The following WDR7 variants were observed in gnomAD, a reference collection of about 807,000 sequenced individuals.
WDR7 encodes the protein WD repeat-containing protein 7.
Under a neutral mutation model 169.4 loss-of-function variants are expected in WDR7, and 46 were observed. That is an observed-to-expected ratio of 0.27 (90% CI 0.21 to 0.35). The LOEUF is 0.35. Ranked by LOEUF, WDR7 falls within the 10% of genes least tolerant of loss-of-function variation. The pLI is 1.00. For missense variants in WDR7, 1,534 were observed against 1,859.3 expected, an observed-to-expected ratio of 0.83 and a Z score of 3.22; for synonymous variants, 612 against 666.8, an observed-to-expected ratio of 0.92 and a Z score of 1.27.
intron 21 of WDR7, among the ~76,000 whole-genome samples, chr18:56,912,942 A>G (rs1194733900): frequency 6.6e-6 from 1 of 151,018 alleles, no homozygotes; most frequent in African/African-American, 2.4e-5. Context: ...TGGTGTGATC[A>G]TAGCTCACTG....
Position 56,880,135 on chromosome 18 carries a change from G to A in WDR7, c.3496G>A (p.Gly1166Arg). 1.2e-6 allele frequency: 2 copies of A among 1,613,968 alleles called. No individual in the cohort carries two copies. The highest frequency in any genetic ancestry group is 1.6e-4 in the Middle Eastern group (1 of 6,062). ...IPEGFGLTSG[G>R]SNYSLARHTC... is the part of the protein sequence containing the mutation. ...TGAGGGATTCGGGTTGACTAGTGGT[G>A]GATCCAACTACTCGCTGGCCAGACA... The change falls in exon 21 of 28, where the codon GGA becomes AGA. Residue 1166 changes from glycine (G) to arginine (R), a missense_variant. Transcript: ENST00000254442.
chr18:57,004,536 A>G (rs529785331), intron 26 of WDR7, among the ~76,000 whole-genome samples: 1 of 152,252 alleles, frequency 6.6e-6, no homozygotes, highest in East Asian at 1.9e-4. Context: ...GTTCCAAACA[A>G]CTGAATTCCA....
chr18:56,844,337 C>T (rs529752334), intron 20 of WDR7, among the ~76,000 whole-genome samples: 1 of 152,094 alleles, frequency 6.6e-6, no homozygotes, highest in Non-Finnish European at 1.5e-5. Flanking sequence ...TACATCATTT[C>T]TGATGCTTAT....
intron 26 of WDR7, among the ~76,000 whole-genome samples, chr18:57,010,815 G>C (rs981486411): frequency 6.6e-6 from 1 of 152,074 alleles, no homozygotes; most frequent in Non-Finnish European, 1.5e-5. Flanking sequence ...GACATTAATA[G>C]GTGAATTAAT....
chr18:56,905,490 G>A (rs149569055), intron 21 of WDR7, among the ~76,000 whole-genome samples: 39 of 152,260 alleles, frequency 2.6e-4, no homozygotes, highest in Middle Eastern at 3.4e-3. Context: ...AAGGATTTCT[G>A]CTTAGCTTCT....
At chr18:56,869,796 T>C (rs1262818417) in intron 20 of WDR7, among the ~76,000 whole-genome samples, 2 of 152,206 alleles carry the variant, frequency 1.3e-5, no homozygotes, top group East Asian at 1.9e-4. Context: ...CATGTACAAT[T>C]TTATTTTTTT....
intron 6 of WDR7, 36 bp downstream of exon 6, chr18:56,686,068 T>A: frequency 6.5e-7 from 1 of 1,547,514 alleles, no homozygotes; most frequent in Non-Finnish European, 8.7e-7. Flanking sequence ...TTCTCTGTTT[T>A]TATTCTCTGT....
chr18:57,017,290 G>A (rs2048218986), intron 26 of WDR7, among the ~76,000 whole-genome samples: 1 of 152,204 alleles, frequency 6.6e-6, no homozygotes, highest in Admixed American at 6.5e-5. Flanking sequence ...TCCCTGCACT[G>A]CTTGAGCGGT....
chr18:56,947,606 G>A (rs981211128), intron 25 of WDR7, among the ~76,000 whole-genome samples: 14 of 152,140 alleles, frequency 9.2e-5, no homozygotes, highest in African/African-American at 2.7e-4. Flanking sequence ...AGTCCCTCAC[G>A]CAGAAGACCA....
At chr18:56,945,212 A>G (rs1197791516) in intron 25 of WDR7, among the ~76,000 whole-genome samples, 4 of 152,206 alleles carry the variant, frequency 2.6e-5, no homozygotes, top group Middle Eastern at 3.2e-3. Context: ...ACATGAGAAT[A>G]GAAGTCCTCT....
intron 26 of WDR7, among the ~76,000 whole-genome samples, chr18:56,973,430 C>T (rs2047520494): frequency 6.6e-6 from 1 of 152,038 alleles, no homozygotes; most frequent in South Asian, 2.1e-4. Context: ...TCTAGCCATT[C>T]TCTTTTTCTC....
intron 21 of WDR7, among the ~76,000 whole-genome samples, chr18:56,906,186 A>G (rs1052989617): frequency 6.6e-6 from 1 of 152,208 alleles, no homozygotes; most frequent in African/African-American, 2.4e-5. Context: ...ACCAGTTTAT[A>G]GGAACTACAA....
intron 6 of WDR7, 71 bp downstream of exon 6, chr18:56,686,103 G>T (rs911440828): frequency 2.4e-6 from 3 of 1,272,176 alleles, no homozygotes; most frequent in Non-Finnish European, 3.3e-6. Flanking sequence ...GTAATGATAT[G>T]CCCCTTCCAT....
At chr18:56,751,917 TTTATC>T (rs2043799125) in intron 14 of WDR7, among the ~76,000 whole-genome samples, 1 of 152,234 alleles carries the variant, frequency 6.6e-6, no homozygotes, top group African/African-American at 2.4e-5. Context: ...ATTGCATACT[TTTATC>T]TTCCCTCATC....
At chr18:56,848,892 T>C (rs1240255615) in intron 20 of WDR7, among the ~76,000 whole-genome samples, 3 of 152,212 alleles carry the variant, frequency 2.0e-5, no homozygotes, top group African/African-American at 4.8e-5. Context: ...CTATTAAATC[T>C]CTTTTCTTCA....
chr18:56,748,877 C>T (rs2043744272), intron 14 of WDR7, among the ~76,000 whole-genome samples: 1 of 152,166 alleles, frequency 6.6e-6, no homozygotes, highest in East Asian at 1.9e-4. Flanking sequence ...ACCAAATATC[C>T]ATTTCAGTCT....
intron 13 of WDR7, 67 bp downstream of exon 13, chr18:56,718,226 A>G (rs2026235802): frequency 7.4e-7 from 1 of 1,353,348 alleles, no homozygotes; most frequent in African/African-American, 1.5e-5. Context: ...TAGAAATGAA[A>G]ATGTCTTTTA....
At chr18:56,797,611 A>G (rs538247144) in intron 19 of WDR7, among the ~76,000 whole-genome samples, 1 of 152,262 alleles carries the variant, frequency 6.6e-6, no homozygotes, top group South Asian at 2.1e-4. Context: ...AAAGTTCATT[A>G]AGATATTCTG....
intron 19 of WDR7, among the ~76,000 whole-genome samples, chr18:56,806,968 A>G (rs554607417): frequency 9.2e-5 from 14 of 152,198 alleles, no homozygotes; most frequent in African/African-American, 3.1e-4. Flanking sequence ...TTCATGCCCA[A>G]TACACATCTT....
Sources: allele counts gnomAD v4.1 joint callset (sites outside exome capture counted in the v4.1 genomes callset), GRCh38; gene constraint gnomAD v4.1.1; transcripts MANE v1.5; gene names NCBI Gene and HGNC (gene_info 2026-07-23, HGNC 2026-07-21).